The following RBM41 variants were observed in gnomAD, a reference collection of about 807,000 sequenced individuals.
RBM41 encodes RNA binding motif protein 41.
Under a neutral mutation model 30.8 loss-of-function variants are expected in RBM41, and 14 were observed. That is an observed-to-expected ratio of 0.45 (90% CI 0.30 to 0.71). RBM41 has a LOEUF of 0.71. Ranked by LOEUF, RBM41 falls within the 30% of genes least tolerant of loss-of-function variation. The probability of loss-of-function intolerance (pLI) is 0.08; values close to 1 mark genes in which losing one functional copy is unlikely to be tolerated. For synonymous variants in RBM41, 120 were observed against 110.1 expected (o/e 1.09, Z -0.56); for missense variants, 276 against 326.3 (o/e 0.85, Z 1.19).
chrX:107,098,651 A>C (rs1268020889), intron 5 of RBM41, among the ~76,000 whole-genome samples: 2 of 111,894 alleles, frequency 1.8e-5, no homozygotes, highest in Admixed American at 9.5e-5. Flanking sequence ...AATCAATTCC[A>C]GGTGGATTAA....
rs1476019951 is a variant in RBM41, at chrX:107,063,178, A to G, written c.*4349T>C. ...TCATCAACCTCTAAAGAAACTTCAT[A>G]CACTTCAACTGTTACCCCCAGCCCT... On this transcript the variant is annotated 3_prime_UTR_variant, in exon 8 of 8. Coordinates refer to ENST00000685964, the MANE Select transcript of RBM41 (RefSeq NM_001324242.2). Among the ~76,000 whole-genome samples, 1 of 111,454 alleles carries G rather than the reference A, an allele frequency of 9.0e-6. No individual in the cohort carries two copies. Among genetic ancestry groups the G allele is most frequent in the East Asian group, 2.8e-4 (1 of 3,566 alleles).
intron 5 of RBM41, among the ~76,000 whole-genome samples, chrX:107,100,742 T>A (rs1327696925): frequency 9.0e-6 from 1 of 110,749 alleles, no homozygotes; most frequent in Non-Finnish European, 1.9e-5. Context: ...CCAATTCCAC[T>A]CCTAGATATA....
intron 6 of RBM41, among the ~76,000 whole-genome samples, chrX:107,079,346 C>T (rs1455108091): frequency 8.9e-6 from 1 of 111,769 alleles, no homozygotes; most frequent in Admixed American, 9.5e-5. Context: ...ACCTGGCCCC[C>T]GCCATCTGCC....
rs1411129810 is a variant in RBM41 at position 107,065,118 on chromosome X, T to C, written c.*2409A>G. 2 of 111,891 alleles carry C rather than the reference T, an allele frequency of 1.8e-5. No individual in the cohort carries two copies. The highest frequency in any genetic ancestry group is 3.8e-5 in the Non-Finnish European group (2 of 53,124). The allele number at this position is 111,891 out of a possible 1,213,427, so 9.2% of individuals were successfully genotyped here. A position where few individuals can be genotyped will look rare whatever the true frequency, so the allele number is the denominator to read the frequency against. On this transcript the variant is annotated 3_prime_UTR_variant, in exon 8 of 8. Coordinates refer to ENST00000685964, the MANE Select transcript of RBM41 (RefSeq NM_001324242.2). Reference sequence around the variant, plus strand: ...GGCTGTTGTCTGTGTGATATATTTGTTTTCCATCCTTTTACCTTTAATCTC... The same window carrying C: ...GGCTGTTGTCTGTGTGATATATTTGCTTTCCATCCTTTTACCTTTAATCTC...
intron 3 of RBM41, 66 bp from the exon 4 acceptor site, chrX:107,115,622 T>G: frequency 9.8e-7 from 1 of 1,019,973 alleles, no homozygotes; most frequent in Non-Finnish European, 1.3e-6. Flanking sequence ...TGATCTGGTA[T>G]CTCAAGTAAA....
In RBM41 at chrX:107,088,850, A is replaced by G; in HGVS notation, c.596-11T>C. ...TCTTTTGGGGTTCATCTGGATCAAG[A>G]CAAAGAGATAGGGAAGTTCTACAAA... On this transcript the variant is annotated splice_polypyrimidine_tract_variant and intron_variant, in intron 5 of 7. Transcript: ENST00000685964. 3.4e-6 allele frequency: 4 copies of G among 1,187,288 alleles called. No homozygotes were observed. The highest frequency in any genetic ancestry group is 4.5e-6 in the Non-Finnish European group (4 of 882,194).
downstream of RBM41, among the ~76,000 whole-genome samples, chrX:107,060,454 C>T (rs986454728): frequency 9.1e-6 from 1 of 110,225 alleles, no homozygotes; most frequent in Non-Finnish European, 1.9e-5. Flanking sequence ...CCTGTACCTC[C>T]GCCATAAAAG....
rs1363476284 is a variant in RBM41 at position 107,066,180 on chromosome X, T to C, written c.*1347A>G. The C allele has an allele frequency of 3.5e-5, 4 of 112,842 alleles. No homozygotes were observed. The highest frequency in any genetic ancestry group is 1.3e-4 in the African/African-American group (4 of 30,948). The allele number at this position is 112,842 out of a possible 1,213,427, so 9.3% of individuals were successfully genotyped here. A position where few individuals can be genotyped will look rare whatever the true frequency, so the allele number is the denominator to read the frequency against. ...CCATTGTTTCTGAGGGGAAGTCAAC[T>C]ACTAATTTTATTTGGGTTCCTTGGT... is the stretch of plus-strand genomic sequence containing the variant. On this transcript the variant is annotated 3_prime_UTR_variant, in exon 8 of 8. Coordinates refer to ENST00000685964, the MANE Select transcript of RBM41 (RefSeq NM_001324242.2).
chrX:107,085,761 TTG>T (rs1921984673), intron 6 of RBM41, among the ~76,000 whole-genome samples: 1 of 112,036 alleles, frequency 8.9e-6, no homozygotes, highest in Non-Finnish European at 1.9e-5. Context: ...TTTATTTTTA[TTG>T]TGTTGTTTGT....
chrX:107,103,678 A>C (rs1010774992), intron 5 of RBM41, among the ~76,000 whole-genome samples: 2 of 112,191 alleles, frequency 1.8e-5, no homozygotes, highest in Admixed American at 1.9e-4. Context: ...AACTATTGAT[A>C]CATACGACAA....
chrX:107,085,287 C>T (rs1443627892), intron 6 of RBM41, among the ~76,000 whole-genome samples: 2 of 95,538 alleles, frequency 2.1e-5, no homozygotes, highest in African/African-American at 7.7e-5. Flanking sequence ...GAGACAGAGT[C>T]TCGCTCTGTC....
At chrX:107,117,076 G>A (rs777868662) in intron 1 of RBM41, among the ~76,000 whole-genome samples, 1 of 111,850 alleles carries the variant, frequency 8.9e-6, no homozygotes, top group South Asian at 3.7e-4. Context: ...GGCAGCGGGG[G>A]GAGGAGAGAA....
In RBM41 at chrX:107,063,469, A is replaced by C. The variant is rs780898237; in HGVS notation, c.*4058T>G. 2.5e-4 allele frequency among the ~76,000 whole-genome samples: 28 copies of C among 112,111 alleles called. No homozygotes were observed. The highest frequency in any genetic ancestry group is 8.4e-4 in the African/African-American group (26 of 30,935). ...AAAAGTTTTGTAGAATTCATTTAAG[A>C]AGCTATTTCAGCCTGGGCTCTTCTT... is the stretch of plus-strand genomic sequence containing the variant. On this transcript the variant is annotated 3_prime_UTR_variant, in exon 8 of 8. Transcript: ENST00000685964.
rs1482978066 is a variant in RBM41, at chrX:107,064,108, C to T, written c.*3419G>A. Among the ~76,000 whole-genome samples, 2 of 108,837 alleles carry T rather than the reference C, an allele frequency of 1.8e-5. No individual in the cohort carries two copies. Among genetic ancestry groups the T allele is most frequent in the African/African-American group, 3.3e-5 (1 of 29,957 alleles). 94.5% of individuals were successfully genotyped at this position (108,837 alleles called of 115,157 possible). On this transcript the variant is annotated 3_prime_UTR_variant, in exon 8 of 8. Coordinates refer to ENST00000685964, the MANE Select transcript of RBM41 (RefSeq NM_001324242.2). ...CTGGGACTACAGGTGCCCACGACCA[C>T]GCCTGGCTAATTTTTTGTATTTTTA...
At chrX:107,057,351 A>AT (rs1306190854), downstream of RBM41, among the ~76,000 whole-genome samples, 1 of 96,119 alleles carries the variant, frequency 1.0e-5, no homozygotes, top group Non-Finnish European at 2.0e-5. Context: ...GCATCCCATA[A>AT]TTTTTGGTAT....
At chrX:107,075,626 G>A in intron 6 of RBM41, among the ~76,000 whole-genome samples, 1 of 112,158 alleles carries the variant, frequency 8.9e-6, no homozygotes. Context: ...ACAGGTATAT[G>A]AAAAGATGCT....
chrX:107,095,582 C>CT (rs1343703978), intron 5 of RBM41, among the ~76,000 whole-genome samples: 1 of 105,139 alleles, frequency 9.5e-6, no homozygotes, highest in Non-Finnish European at 1.9e-5. Flanking sequence ...GGTGACCAAG[C>CT]AAGACTCCAT....
rs931469236 is a variant in RBM41 at position 107,076,055 on chromosome X, C to T, written c.1000-6653G>A. On this transcript the variant is annotated intron_variant, in intron 6 of 7. Coordinates refer to ENST00000685964, the MANE Select transcript of RBM41 (RefSeq NM_001324242.2). ...AATGGGGGCTGGGTGTGGTGGCTCA[C>T]GCCTGTAATCTCAGCATTTTGGGAG... is the stretch of plus-strand genomic sequence containing the variant. Among the ~76,000 whole-genome samples, 8 of 110,925 alleles carry T rather than the reference C, an allele frequency of 7.2e-5. No homozygotes were observed. In the South Asian group the frequency reaches 1.5e-3, roughly 21 times the overall value.
intron 6 of RBM41, among the ~76,000 whole-genome samples, chrX:107,073,413 A>C (rs1285543): frequency 0.05 from 5,656 of 112,130 alleles, 367 homozygotes; most frequent in African/African-American, 0.17. Context: ...ATCATCAGGA[A>C]AATGCAAATC....
Sources: allele counts gnomAD v4.1 joint callset (sites outside exome capture counted in the v4.1 genomes callset), GRCh38; gene constraint gnomAD v4.1.1; transcripts MANE v1.5; gene names NCBI Gene and HGNC (gene_info 2026-07-23, HGNC 2026-07-21).